The following PPIL4 variants were observed in gnomAD, a reference collection of about 807,000 sequenced individuals.
The protein encoded by PPIL4 is peptidylprolyl isomerase like 4.
Under a neutral mutation model 69.1 loss-of-function variants are expected in PPIL4, and 50 were observed. The observed-to-expected ratio is 0.72, with a 90% CI of 0.58 to 0.92. The LOEUF (loss-of-function observed/expected upper bound fraction) is 0.92, where lower values mean the gene tolerates loss of function less well. PPIL4 is among the 40% of genes least tolerant of loss of function. The pLI, the probability that PPIL4 is intolerant of heterozygous loss-of-function variation, is 0.00. For synonymous variants in PPIL4, 193 were observed against 191.6 expected (o/e 1.01, Z -0.06); for missense variants, 480 against 587.9 (o/e 0.82, Z 1.90).
chr6:149,514,500 T>C (rs1344534045), intron 11 of PPIL4, among the ~76,000 whole-genome samples: 2 of 152,128 alleles, frequency 1.3e-5, no homozygotes, highest in Non-Finnish European at 2.9e-5. Context: ...TTTCGTATTT[T>C]TAGTCGAGAC....
At position 149,526,667 on chromosome 6, in the gene PPIL4, A is replaced by G; in HGVS notation, c.788T>C (p.Phe263Ser). 2 of 1,609,822 alleles carry G rather than the reference A, an allele frequency of 1.2e-6. No individual in the cohort carries two copies. The highest frequency in any genetic ancestry group is 1.1e-5 in the South Asian group (1 of 90,480). Residue 263 changes from phenylalanine (F) to serine (S), a missense_variant, in exon 8 of 13, where the codon TTT becomes TCT. Coordinates refer to ENST00000253329, the MANE Select transcript of PPIL4 (RefSeq NM_139126.4). ...TAAGGATTACCTTCTTATTGGCCCAAATCTAGAGAATATTATTTCCAGATC... is the reference window on the plus strand; with the variant it reads ...TAAGGATTACCTTCTTATTGGCCCAGATCTAGAGAATATTATTTCCAGATC... ...DEDLEIIFSR[F>S]GPIRSCEVIR... is the part of the protein sequence containing the mutation.
intron 11 of PPIL4, among the ~76,000 whole-genome samples, chr6:149,516,003 T>C (rs1400986078): frequency 1.3e-5 from 2 of 152,220 alleles, no homozygotes; most frequent in African/African-American, 4.8e-5. Context: ...CATCAGACTA[T>C]CCCCTAACAG....
At chr6:149,535,825 A>C in intron 4 of PPIL4, 87 bp from the exon 5 acceptor site, 1 of 897,442 alleles carries the variant, frequency 1.1e-6, no homozygotes, top group Non-Finnish European at 1.7e-6. Flanking sequence ...AAAATACATG[A>C]AAGTTAAGAG....
intron 10 of PPIL4, among the ~76,000 whole-genome samples, chr6:149,519,769 TACTA>T (rs1777002016): frequency 6.6e-6 from 1 of 152,120 alleles, no homozygotes; most frequent in African/African-American, 2.4e-5. Flanking sequence ...TTTTCTTTCT[TACTA>T]AAAACAGACA....
intron 4 of PPIL4, among the ~76,000 whole-genome samples, chr6:149,538,609 G>T (rs1404233334): frequency 6.6e-6 from 1 of 152,194 alleles, no homozygotes; most frequent in Non-Finnish European, 1.5e-5. Flanking sequence ...TGATTTGTGG[G>T]AGGAGGTCAA....
At chr6:149,513,737 T>G (rs936561371) in intron 11 of PPIL4, among the ~76,000 whole-genome samples, 7 of 152,124 alleles carry the variant, frequency 4.6e-5, no homozygotes, top group Admixed American at 3.9e-4. Context: ...GTCTAGGTGA[T>G]GAAGCTACGA....
chr6:149,534,830 T>C, intron 5 of PPIL4, 56 bp from the exon 6 acceptor site: 2 of 1,087,504 alleles, frequency 1.8e-6, no homozygotes, highest in East Asian at 5.0e-5. Flanking sequence ...CAGAATCCTA[T>C]TTTATTTTAA....
chr6:149,529,266 G>A (rs894796815), intron 7 of PPIL4, among the ~76,000 whole-genome samples: 3 of 150,788 alleles, frequency 2.0e-5, no homozygotes, highest in Non-Finnish European at 3.0e-5. Context: ...TGAAATCCCA[G>A]GCCGGGCAAC....
At chr6:149,535,572 T>C (rs753343735) in intron 5 of PPIL4, 24 bp downstream of exon 5, 1 of 1,595,168 alleles carries the variant, frequency 6.3e-7, no homozygotes, top group South Asian at 1.1e-5. Context: ...TCTAGTACAT[T>C]CAGATAGCAA....
rs751158332 is a variant in PPIL4, at chr6:149,521,148, G to T, written c.894C>A (p.Phe298Leu). The change falls in exon 10 of 13, where the codon TTC (phenylalanine) becomes TTA (leucine). Residue 298 changes from phenylalanine to leucine, a missense_variant. Transcript: ENST00000253329. ...FEKEEDCEKAFFKMDNVLIDD... is the reference protein window; with the variant it reads ...FEKEEDCEKALFKMDNVLIDD... Reference sequence around the variant, plus strand: ...CTATAAGCACATTGTCCATTTTGAAGAATGCTTTCTCACAATCTTCTTCCT... The same window carrying T: ...CTATAAGCACATTGTCCATTTTGAATAATGCTTTCTCACAATCTTCTTCCT... 3 of 1,590,160 alleles carry T rather than the reference G, an allele frequency of 1.9e-6. No individual in the cohort carries two copies. The highest frequency in any genetic ancestry group is 2.6e-6 in the Non-Finnish European group (3 of 1,163,480).
rs146577244 is a variant in PPIL4 at position 149,541,317 on chromosome 6, GTAAATAAATAAA to G, written c.203+38_203+49del. ...TGTTCTGCCCTTCCAGAGGTTAAAA[GTAAATAAATAAA>G]TAAATAAATAAATAAATAAATAAAT... On this transcript the variant is annotated intron_variant, in intron 3 of 12. Transcript: ENST00000253329. The G allele has an allele frequency of 3.4e-4, 257 of 757,272 alleles. 14 individuals carry two copies. In the South Asian group the frequency reaches 3.8e-3, roughly 11 times the overall value. The allele number at this position is 757,272 out of a possible 1,614,324, so 46.9% of individuals were successfully genotyped here. A position where few individuals can be genotyped will look rare whatever the true frequency, so the allele number is the denominator to read the frequency against.
chr6:149,533,200 A>C (rs1157401286), intron 7 of PPIL4, among the ~76,000 whole-genome samples: 1 of 152,226 alleles, frequency 6.6e-6, no homozygotes, highest in Non-Finnish European at 1.5e-5. Context: ...GATGAATATT[A>C]AACAACTGAA....
rs984775898 is a variant in PPIL4, at chr6:149,533,976, T to G, written c.562-402A>C. On this transcript the variant is annotated intron_variant, in intron 6 of 12. Coordinates refer to ENST00000253329, the MANE Select transcript of PPIL4 (RefSeq NM_139126.4). ...TTCGAGACCAGCCTGGCCAACACAG[T>G]GAAACCCTGTCTCTACTAAAAATAC... Among the ~76,000 whole-genome samples, 6 of 152,092 alleles carry G rather than the reference T, an allele frequency of 3.9e-5. No homozygotes were observed. In the East Asian group the frequency reaches 1.2e-3, roughly 29 times the overall value.
intron 7 of PPIL4, among the ~76,000 whole-genome samples, chr6:149,531,783 C>G (rs925824918): frequency 6.6e-6 from 1 of 152,050 alleles, no homozygotes; most frequent in Admixed American, 6.6e-5. Flanking sequence ...GATTCTCCTG[C>G]CTCAGCCTCC....
At chr6:149,508,356 G>T (rs1776796344) in intron 12 of PPIL4, among the ~76,000 whole-genome samples, 1 of 151,954 alleles carries the variant, frequency 6.6e-6, no homozygotes, top group Admixed American at 6.5e-5. Context: ...TTTCCAGTAT[G>T]AATTTTTAAA....
At chr6:149,514,843 AT>A (rs1294248979) in intron 11 of PPIL4, among the ~76,000 whole-genome samples, 8 of 146,550 alleles carry the variant, frequency 5.5e-5, no homozygotes, top group South Asian at 4.3e-4. Context: ...ATTTTTTTTA[AT>A]TTTTTTTTTG....
intron 7 of PPIL4, among the ~76,000 whole-genome samples, chr6:149,531,203 C>T (rs1777190754): frequency 6.6e-6 from 1 of 151,648 alleles, no homozygotes; most frequent in African/African-American, 2.4e-5. Flanking sequence ...GTCTCTACTA[C>T]AATTACAAAA....
chr6:149,528,773 C>T (rs771840481), intron 7 of PPIL4, among the ~76,000 whole-genome samples: 25 of 152,300 alleles, frequency 1.6e-4, no homozygotes, highest in South Asian at 6.2e-4. Context: ...TACCCAAATG[C>T]ATAGAAACTT....
intron 12 of PPIL4, among the ~76,000 whole-genome samples, chr6:149,511,650 T>C (rs554389747): frequency 6.6e-6 from 1 of 152,346 alleles, no homozygotes; most frequent in East Asian, 1.9e-4. Flanking sequence ...ATAAATTTTC[T>C]TTGGGGAATT....
Sources: gnomAD v4.1 joint callset for allele counts (sites outside exome capture counted in the v4.1 genomes callset) on GRCh38, gnomAD v4.1.1 for gene constraint, MANE v1.5 for transcripts, NCBI Gene and HGNC (gene_info 2026-07-23, HGNC 2026-07-21) for gene names.